The following CACNB4 variants were observed in gnomAD, a reference collection of about 807,000 sequenced individuals.
CACNB4 encodes voltage-dependent L-type calcium channel subunit beta-4.
CACNB4 carries 32 observed loss-of-function variants against 71.2 expected under a neutral mutation model. That is an observed-to-expected ratio of 0.45 (90% CI 0.34 to 0.60). The LOEUF (loss-of-function observed/expected upper bound fraction) is 0.60. CACNB4 is among the 20% of genes least tolerant of loss of function. CACNB4 has a pLI of 0.01. For missense variants in CACNB4, 464 were observed against 647.9 expected, an observed-to-expected ratio of 0.72 and a Z score of 3.08; for synonymous variants, 231 against 236.9, an observed-to-expected ratio of 0.97 and a Z score of 0.23.
intron 13 of CACNB4, among the ~76,000 whole-genome samples, chr2:151,840,146 T>C (rs1220455106): frequency 6.6e-6 from 1 of 152,216 alleles, no homozygotes; most frequent in Non-Finnish European, 1.5e-5. Context: ...TTGTGTCTAC[T>C]GGTTTAGGTA....
At chr2:151,875,173 A>G (rs1273222528) in intron 5 of CACNB4, among the ~76,000 whole-genome samples, 10 of 148,986 alleles carry the variant, frequency 6.7e-5, no homozygotes, top group Non-Finnish European at 1.3e-4. Flanking sequence ...TGGGTACTTG[A>G]GATTAGGGAG....
At chr2:151,863,631 T>C (rs1260582792) in intron 9 of CACNB4, among the ~76,000 whole-genome samples, 3 of 152,224 alleles carry the variant, frequency 2.0e-5, no homozygotes, top group Non-Finnish European at 4.4e-5. Flanking sequence ...CTCTTGGTTC[T>C]TCAAATCTGA....
intron 2 of CACNB4, among the ~76,000 whole-genome samples, chr2:151,935,655 G>A (rs1294278237): frequency 6.6e-6 from 1 of 152,172 alleles, no homozygotes; most frequent in African/African-American, 2.4e-5. Context: ...CTTGAATGCA[G>A]ATGCTGAACT....
intron 2 of CACNB4, among the ~76,000 whole-genome samples, chr2:151,990,484 C>G (rs926824982): frequency 2.0e-5 from 3 of 152,174 alleles, no homozygotes; most frequent in Non-Finnish European, 4.4e-5. Flanking sequence ...CAGCATTTCC[C>G]ACGGTTCGCC....
intron 11 of CACNB4, 35 bp from the exon 12 acceptor site, chr2:151,853,578 G>A: frequency 8.2e-7 from 1 of 1,225,836 alleles, no homozygotes; most frequent in Non-Finnish European, 1.2e-6. Flanking sequence ...AGGTATTGTA[G>A]ATGAGTTGAA....
At chr2:151,976,455 G>A (rs2099873820) in intron 2 of CACNB4, among the ~76,000 whole-genome samples, 1 of 152,048 alleles carries the variant, frequency 6.6e-6, no homozygotes, top group African/African-American at 2.4e-5. Context: ...ACTTTTTTGG[G>A]GAAATTCCTA....
At chr2:151,890,955 C>T (rs1040060113) in intron 2 of CACNB4, among the ~76,000 whole-genome samples, 6 of 152,018 alleles carry the variant, frequency 3.9e-5, no homozygotes, top group African/African-American at 1.5e-4. Context: ...GATAATGCCT[C>T]CGATTATGTT....
At chr2:151,869,705 T>C (rs775071303) in intron 8 of CACNB4, 24 of 166,740 alleles carry the variant, frequency 1.4e-4, no homozygotes, top group Admixed American at 2.4e-4. Context: ...TGTAGACCAC[T>C]CTCCTGCTCA....
intron 2 of CACNB4, among the ~76,000 whole-genome samples, chr2:152,020,412 T>C (rs892264732): frequency 3.9e-5 from 6 of 152,150 alleles, no homozygotes; most frequent in African/African-American, 1.4e-4. Context: ...TCAGAGAGCA[T>C]TTCAGTATAG....
Position 151,880,918 on chromosome 2 carries a change from T to A in CACNB4, c.272A>T (p.Lys91Ile), listed in dbSNP as rs2099847658. Residue 91 changes from lysine (K) to isoleucine (I), a missense_variant, in exon 4 of 14, where the codon AAA becomes ATA. Physicochemically the swap from Lys to Ile is moderately radical, Grantham distance 102. Coordinates refer to ENST00000539935, the MANE Select transcript of CACNB4 (RefSeq NM_000726.5). ...TGTCTTCACGGCAAATGCTACAGGT[T>A]TGGACTAGGGACAGAACCATGGAAT... The part of the protein sequence containing the change: ...AAIQLERAKS[K>I]PVAFAVKTNV... 2 of 1,612,672 alleles carry A rather than the reference T, an allele frequency of 1.2e-6. No individual in the cohort carries two copies. Among genetic ancestry groups the A allele is most frequent in the Non-Finnish European group, 1.7e-6 (2 of 1,179,260 alleles).
intron 2 of CACNB4, among the ~76,000 whole-genome samples, chr2:152,014,339 T>TC (rs968001166): frequency 9.9e-5 from 15 of 151,982 alleles, no homozygotes; most frequent in Middle Eastern, 3.4e-3. Flanking sequence ...AAAGTGAGAC[T>TC]CCATCTCAAA....
intron 2 of CACNB4, among the ~76,000 whole-genome samples, chr2:152,056,688 A>T (rs1405003549): frequency 2.0e-5 from 3 of 152,156 alleles, no homozygotes; most frequent in Admixed American, 2.0e-4. Context: ...TGGCAACTGG[A>T]ATCATGCTGC....
chr2:151,961,275 G>T (rs941869743), intron 2 of CACNB4, among the ~76,000 whole-genome samples: 2 of 152,152 alleles, frequency 1.3e-5, no homozygotes, highest in Non-Finnish European at 2.9e-5. Flanking sequence ...ACACAAGTTG[G>T]TCTCATTCGC....
intron 2 of CACNB4, among the ~76,000 whole-genome samples, chr2:152,074,561 ACT>A (rs1400725895): frequency 1.3e-5 from 2 of 149,790 alleles, no homozygotes; most frequent in African/African-American, 4.9e-5. Flanking sequence ...AACCGTCACC[ACT>A]GTCACCACAG....
intron 2 of CACNB4, among the ~76,000 whole-genome samples, chr2:151,974,815 CAAAAA>C: frequency 7.2e-6 from 1 of 138,020 alleles, no homozygotes; most frequent in Non-Finnish European, 1.5e-5. Context: ...TCTGGTCAAC[CAAAAA>C]AAAAAAAAAA....
chr2:151,877,384 GA>G (rs2099846713), intron 4 of CACNB4, among the ~76,000 whole-genome samples: 1 of 152,126 alleles, frequency 6.6e-6, no homozygotes, highest in Non-Finnish European at 1.5e-5. Context: ...TATAGTTTGT[GA>G]ATCCCTGGAC....
chr2:151,944,229 G>A (rs971012130), intron 2 of CACNB4, among the ~76,000 whole-genome samples: 6 of 151,676 alleles, frequency 4.0e-5, no homozygotes, highest in African/African-American at 1.5e-4. Flanking sequence ...TTGTAGAGAT[G>A]GAGTTTCGCT....
intron 2 of CACNB4, among the ~76,000 whole-genome samples, chr2:152,065,148 C>A (rs935278381): frequency 2.0e-5 from 3 of 152,056 alleles, no homozygotes; most frequent in Non-Finnish European, 4.4e-5. Flanking sequence ...TTTGGGAGAC[C>A]GAGGTGGGCA....
chr2:152,040,831 T>C (rs1684835876), intron 2 of CACNB4, among the ~76,000 whole-genome samples: 1 of 152,250 alleles, frequency 6.6e-6, no homozygotes, highest in African/African-American at 2.4e-5. Context: ...TCTAAATGCA[T>C]ATGCTGCCGG....
Sources: gnomAD v4.1 joint callset for allele counts (sites outside exome capture counted in the v4.1 genomes callset) on GRCh38, gnomAD v4.1.1 for gene constraint, MANE v1.5 for transcripts, NCBI Gene and HGNC (gene_info 2026-07-23, HGNC 2026-07-21) for gene names.